Variants in ZBTB46 observed in about 807,000 individuals in gnomAD.
ZBTB46 encodes the protein zinc finger and BTB domain-containing protein 46.
In ZBTB46, 8 loss-of-function variants were observed where a neutral mutation model predicts 44.1. The observed-to-expected ratio is 0.18, with a 90% CI of 0.11 to 0.33. ZBTB46 has a LOEUF of 0.33. ZBTB46 is among the 10% of genes least tolerant of loss of function. ZBTB46 has a pLI of 1.00. For synonymous variants in ZBTB46, 409 were observed against 382.3 expected (o/e 1.07, Z -0.81); for missense variants, 651 against 847.7 (o/e 0.77, Z 2.88).
chr20:63,785,241 A>AAG (rs1568866001), intron 2 of ZBTB46, among the ~76,000 whole-genome samples: 4 of 42,296 alleles, frequency 9.5e-5, no homozygotes, highest in African/African-American at 2.9e-4. Flanking sequence ...AAAAAAAAAG[A>AAG]AAAGAAAAGA....
At chr20:63,819,821 T>C (rs1402164532) in intron 1 of ZBTB46, among the ~76,000 whole-genome samples, 1 of 152,106 alleles carries the variant, frequency 6.6e-6, no homozygotes, top group Non-Finnish European at 1.5e-5. Context: ...TGACAGCCGC[T>C]TTGTCAGTCA....
Position 63,745,017 on chromosome 20 carries a change from AC to A in ZBTB46, c.*1912del, listed in dbSNP as rs1484158718. On this transcript the variant is annotated 3_prime_UTR_variant, in exon 5 of 5. Transcript: ENST00000245663. ...AGGGTTTAAAAATCAGGGGAAAGGT[AC>A]AAAGTTCTGAGAATTCTCAAAGAGG... 9 of 152,384 alleles carry A rather than the reference AC, an allele frequency of 5.9e-5. No homozygotes were observed. The highest frequency in any genetic ancestry group is 2.2e-4 in the African/African-American group (9 of 41,456). 9.4% of individuals were successfully genotyped at this position (152,384 alleles called of 1,614,324 possible).
At chr20:63,762,810 T>C (rs1704370862) in intron 3 of ZBTB46, among the ~76,000 whole-genome samples, 1 of 152,236 alleles carries the variant, frequency 6.6e-6, no homozygotes, top group Admixed American at 6.5e-5. Flanking sequence ...ATATTAAGAT[T>C]GCTATACTGA....
chr20:63,800,074 C>T (rs1183713132), intron 1 of ZBTB46, among the ~76,000 whole-genome samples: 1 of 152,180 alleles, frequency 6.6e-6, no homozygotes, highest in Non-Finnish European at 1.5e-5. Flanking sequence ...CAGGTAAACA[C>T]GGGATGCTTC....
At position 63,805,211 on chromosome 20, in the gene ZBTB46, G is replaced by A. The variant is rs1056464956; in HGVS notation, c.-33-14421C>T. Among the ~76,000 whole-genome samples the A allele has an allele frequency of 3.9e-5, 6 of 152,096 alleles. No homozygotes were observed. In the South Asian group the frequency reaches 6.2e-4, roughly 16 times the overall value. On this transcript the variant is annotated intron_variant, in intron 1 of 4. Transcript: ENST00000245663. ...TGGGATTACAGGCATGAGCCACCAC[G>A]CCCGACCTACAGTACCTTTTGAAAA...
intron 4 of ZBTB46, among the ~76,000 whole-genome samples, chr20:63,751,980 C>T (rs969680442): frequency 6.6e-6 from 1 of 152,162 alleles, no homozygotes; most frequent in Non-Finnish European, 1.5e-5. Context: ...GCAGCCCCAC[C>T]TCTGCCCGGA....
At chr20:63,815,863 T>C (rs1170574308) in intron 1 of ZBTB46, among the ~76,000 whole-genome samples, 1 of 91,740 alleles carries the variant, frequency 1.1e-5, no homozygotes, top group Admixed American at 1.1e-4. Context: ...CAGGTGCAGG[T>C]GGGCGCAGGT....
Position 63,752,488 on chromosome 20 carries a change from T to C in ZBTB46, c.1398+198A>G, listed in dbSNP as rs2092177776. Among the ~76,000 whole-genome samples, 1 of 151,946 alleles carries C rather than the reference T, an allele frequency of 6.6e-6. No homozygotes were observed. The highest frequency in any genetic ancestry group is 1.5e-5 in the Non-Finnish European group (1 of 67,958). On this transcript the variant is annotated intron_variant, in intron 4 of 4. Transcript: ENST00000245663. The surrounding 1 kb of genome is among the most constrained non-coding windows in gnomAD (Gnocchi z 5.6). ...TGGGCCGAAGCCTCTGCAGGGGCCA[T>C]GTGGCCCAGCCACACCCAGGAGGCC...
chr20:63,757,546 T>C (rs1023281749), intron 3 of ZBTB46, among the ~76,000 whole-genome samples: 32 of 152,132 alleles, frequency 2.1e-4, no homozygotes, highest in Non-Finnish European at 4.4e-4. Flanking sequence ...TGGCGGCGTG[T>C]CTACCCTGCA....
At position 63,775,873 on chromosome 20, in the gene ZBTB46, C is replaced by T; in HGVS notation, c.1027G>A (p.Gly343Arg). 1.2e-6 allele frequency: 2 copies of T among 1,612,866 alleles called. No homozygotes were observed. The highest frequency in any genetic ancestry group is 1.7e-6 in the Non-Finnish European group (2 of 1,179,892). Residue 343 changes from glycine (G) to arginine (R), a missense_variant, in exon 3 of 5, where the codon GGA becomes AGA. By Grantham distance (125) the Gly-to-Arg change is moderately radical. Transcript: ENST00000245663. ...GGGCCCAGATAGCTGGCTTCTCCTC[C>T]CAGGAGACCCTCCTCCACCTGTGCA... ...LYAQVEEGLL[G>R]GEASYLGPPL...
At chr20:63,830,373 C>A (rs914117806) in intron 1 of ZBTB46, among the ~76,000 whole-genome samples, 2 of 151,772 alleles carry the variant, frequency 1.3e-5, no homozygotes, top group Non-Finnish European at 3.0e-5. Context: ...GCAGCGGACC[C>A]CGCTTCCTCC....
intron 1 of ZBTB46, among the ~76,000 whole-genome samples, chr20:63,817,715 C>CA (rs3068855): frequency 0.017 from 1,316 of 78,504 alleles, 14 homozygotes; most frequent in South Asian, 0.04. Flanking sequence ...GACTCTGTCT[C>CA]AAAAAAAAAA....
chr20:63,776,434 A>T (rs1568856268), intron 2 of ZBTB46, among the ~76,000 whole-genome samples: 1 of 152,258 alleles, frequency 6.6e-6, no homozygotes, highest in Non-Finnish European at 1.5e-5. Flanking sequence ...ATAGGTTCTT[A>T]GATACAAAAC....
intron 1 of ZBTB46, among the ~76,000 whole-genome samples, chr20:63,822,659 G>A (rs1210303780): frequency 6.6e-6 from 1 of 152,120 alleles, no homozygotes; most frequent in East Asian, 1.9e-4. Context: ...GGCGAGCACA[G>A]GACACGGCCA....
chr20:63,802,161 A>T (rs1398112251), intron 1 of ZBTB46, among the ~76,000 whole-genome samples: 1 of 152,050 alleles, frequency 6.6e-6, no homozygotes, highest in Non-Finnish European at 1.5e-5. Context: ...GATGGCTCAC[A>T]CCTGTAATCC....
intron 1 of ZBTB46, among the ~76,000 whole-genome samples, chr20:63,815,493 G>A (rs148700738): frequency 3.7e-4 from 56 of 149,886 alleles, no homozygotes; most frequent in Admixed American, 8.6e-4. Context: ...GTGAGTGCAG[G>A]TGGGCACAGG....
At position 63,775,978 on chromosome 20, in the gene ZBTB46, C is replaced by A. The variant is rs762759011; in HGVS notation, c.938-16G>T. The A allele has an allele frequency of 3.3e-6, 5 of 1,533,938 alleles. No individual in the cohort carries two copies. The highest frequency in any genetic ancestry group is 8.7e-7 in the Non-Finnish European group (1 of 1,146,536). ...AGGTCCGCATCTGGGGACAGAGGGA[C>A]ACACGTCAGAAGACACGGGTCGTTC... On this transcript the variant is annotated splice_polypyrimidine_tract_variant and intron_variant, in intron 2 of 4. Coordinates refer to ENST00000245663, the MANE Select transcript of ZBTB46 (RefSeq NM_001369741.1).
At chr20:63,772,192 C>T (rs376765528) in intron 3 of ZBTB46, among the ~76,000 whole-genome samples, 43 of 152,068 alleles carry the variant, frequency 2.8e-4, no homozygotes, top group African/African-American at 4.6e-4. Flanking sequence ...GACAGGGTTT[C>T]GCCATGTTGG....
At chr20:63,810,440 AC>A (rs1387929545) in intron 1 of ZBTB46, among the ~76,000 whole-genome samples, 1 of 151,762 alleles carries the variant, frequency 6.6e-6, no homozygotes, top group Admixed American at 6.6e-5. Context: ...AGGCACCAAA[AC>A]CCCCCTTCCC....
Sources: gnomAD v4.1 joint callset for allele counts (sites outside exome capture counted in the v4.1 genomes callset) on GRCh38, gnomAD v4.1.1 for gene constraint, Gnocchi (gnomAD v3.1) non-coding constraint, MANE v1.5 for transcripts, NCBI Gene and HGNC (gene_info 2026-07-23, HGNC 2026-07-21) for gene names.